SMIM14: variants seen among roughly 807,000 people sequenced by gnomAD.
SMIM14 encodes chromosome 4 open reading frame 34.
SMIM14 carries 5 observed loss-of-function variants against 12.6 expected under a neutral mutation model. The observed-to-expected ratio is 0.40, with a 90% CI of 0.21 to 0.83. The LOEUF (loss-of-function observed/expected upper bound fraction) is 0.83. Among genes scored for constraint, SMIM14 ranks in the 40% least tolerant of loss-of-function variants. The pLI, the probability that SMIM14 is intolerant of heterozygous loss-of-function variation, is 0.37. For missense variants in SMIM14, 86 were observed against 119.1 expected, an observed-to-expected ratio of 0.72 and a Z score of 1.29; for synonymous variants, 30 against 40.1, an observed-to-expected ratio of 0.75 and a Z score of 0.95.
intron 3 of SMIM14, among the ~76,000 whole-genome samples, chr4:39,564,467 T>G (rs1349323026): frequency 6.6e-6 from 1 of 152,176 alleles, no homozygotes; most frequent in African/African-American, 2.4e-5. Context: ...TTTCACATTT[T>G]CAGGTTAGGG....
chr4:39,572,277 C>CTTTTT lies in SMIM14; in HGVS notation c.124+133_124+137dup, dbSNP rs71192876. The CTTTTT allele has an allele frequency of 2.6e-4, 54 of 210,684 alleles. 2 individuals are homozygous for CTTTTT. Among genetic ancestry groups the CTTTTT allele is most frequent in the African/African-American group, 1.1e-3 (21 of 18,680 alleles). 13.1% of individuals were successfully genotyped at this position (210,684 alleles called of 1,614,324 possible). ...TAATTTCTTTTGTGCGTATGTGTCGCTTTTTTTTTTTTTTTTTTTTTTTTT... is the reference window on the plus strand; with the variant it reads ...TAATTTCTTTTGTGCGTATGTGTCGCTTTTTTTTTTTTTTTTTTTTTTTTTTTTTT... On this transcript the variant is annotated intron_variant, in intron 3 of 4. Coordinates refer to ENST00000295958, the MANE Select transcript of SMIM14 (RefSeq NM_174921.3).
intron 2 of SMIM14, among the ~76,000 whole-genome samples, chr4:39,577,565 T>G (rs751803241): frequency 9.2e-5 from 14 of 151,814 alleles, no homozygotes; most frequent in Non-Finnish European, 1.6e-4. Flanking sequence ...GTAGCTGAGA[T>G]TACAGACCTG....
chr4:39,605,296 T>A, intron 1 of SMIM14, 116 bp from the exon 2 acceptor site: 1 of 540,182 alleles, frequency 1.9e-6, no homozygotes, highest in South Asian at 3.0e-5. Flanking sequence ...ATGTATAGTT[T>A]GTATTTATTG....
In SMIM14 at chr4:39,631,459, C is replaced by T. The variant is rs556441357; in HGVS notation, c.-36+7280G>A. Reference sequence around the variant, plus strand: ...GGATCACGAGGTCAGGAGATCGAGACCATCCTGGCTAACATGGTGAAACTC... The same window carrying T: ...GGATCACGAGGTCAGGAGATCGAGATCATCCTGGCTAACATGGTGAAACTC... On this transcript the variant is annotated intron_variant, in intron 1 of 4. Transcript: ENST00000295958. Among the ~76,000 whole-genome samples, 20 of 151,760 alleles carry T rather than the reference C, an allele frequency of 1.3e-4. No individual in the cohort carries two copies. The South Asian group carries it at 3.3e-3, about 25-fold the overall frequency.
chr4:39,585,604 A>T (rs1713747936), intron 2 of SMIM14, among the ~76,000 whole-genome samples: 1 of 151,986 alleles, frequency 6.6e-6, no homozygotes, highest in South Asian at 2.1e-4. Flanking sequence ...GCCTACTTCT[A>T]TTATTAAAAG....
chr4:39,559,144 C>G (rs1403745446), intron 3 of SMIM14, among the ~76,000 whole-genome samples: 2 of 152,180 alleles, frequency 1.3e-5, no homozygotes, highest in Non-Finnish European at 2.9e-5. Context: ...GCTCCTTAAT[C>G]ATTTTAGAGG....
chr4:39,633,604 C>CTGTCTCTACAGA (rs1715986684), intron 1 of SMIM14, among the ~76,000 whole-genome samples: 1 of 150,892 alleles, frequency 6.6e-6, no homozygotes, highest in Non-Finnish European at 1.5e-5. Context: ...AGAAAACAAA[C>CTGTCTCTACAGA]AAAAAAAAAT....
chr4:39,554,054 A>G (rs1366371255), intron 4 of SMIM14, among the ~76,000 whole-genome samples: 3 of 152,194 alleles, frequency 2.0e-5, no homozygotes. Flanking sequence ...GCTTTCTCTT[A>G]TATAAAAAAT....
intron 2 of SMIM14, among the ~76,000 whole-genome samples, chr4:39,591,472 A>G (rs1321090920): frequency 6.6e-6 from 1 of 152,140 alleles, no homozygotes; most frequent in Non-Finnish European, 1.5e-5. Context: ...CAAGTAAGTA[A>G]GTAAAACCTT....
rs1711597866 is a variant in SMIM14 at position 39,550,191 on chromosome 4, T to C, written c.*1935A>G. 6.6e-6 allele frequency: 1 copy of C among 152,202 alleles called. No homozygotes were observed. The highest frequency in any genetic ancestry group is 1.5e-5 in the Non-Finnish European group (1 of 68,026). 9.4% of individuals were successfully genotyped at this position (152,202 alleles called of 1,614,324 possible). On this transcript the variant is annotated 3_prime_UTR_variant, in exon 5 of 5. Transcript: ENST00000295958. ...CCTAAGGGGAAAAAAATCCTTACAT[T>C]GATAGCAAAATATCTTCTAGCCCCC...
At chr4:39,591,064 T>G (rs1229560936) in intron 2 of SMIM14, among the ~76,000 whole-genome samples, 1 of 152,066 alleles carries the variant, frequency 6.6e-6, no homozygotes, top group Non-Finnish European at 1.5e-5. Flanking sequence ...TCAAATCCCT[T>G]ATATAAAATT....
At chr4:39,568,027 C>A (rs1391725148) in intron 3 of SMIM14, among the ~76,000 whole-genome samples, 1 of 152,182 alleles carries the variant, frequency 6.6e-6, no homozygotes, top group African/African-American at 2.4e-5. Flanking sequence ...CCTGTAATCC[C>A]AGCACTTTGG....
intron 1 of SMIM14, among the ~76,000 whole-genome samples, 153 bp from the exon 2 acceptor site, chr4:39,605,333 T>A (rs1232697272): frequency 3.3e-5 from 5 of 152,208 alleles, no homozygotes; most frequent in Non-Finnish European, 5.9e-5. Flanking sequence ...TTATTATTAA[T>A]CTTATATGAA....
chr4:39,607,780 T>C (rs752242290), intron 1 of SMIM14, among the ~76,000 whole-genome samples: 11 of 152,188 alleles, frequency 7.2e-5, no homozygotes, highest in Non-Finnish European at 1.5e-4. Context: ...TTGCAAATCA[T>C]CTGTTTGATA....
Position 39,618,654 on chromosome 4 carries a change from A to AC in SMIM14, c.-35-13475_-35-13474insG, listed in dbSNP as rs1172864394. ...GACAGAGCGAGACTCCATCTCAAAA[A>AC]AAAAAAAAAACAAAAAAAAAAAACC... On this transcript the variant is annotated intron_variant, in intron 1 of 4. Transcript: ENST00000295958. Among the ~76,000 whole-genome samples the AC allele has an allele frequency of 2.0e-3, 302 of 151,072 alleles. 6 individuals carry two copies. In the East Asian group the frequency reaches 0.045, roughly 22 times the overall value.
At chr4:39,634,056 G>A (rs1434874410) in intron 1 of SMIM14, among the ~76,000 whole-genome samples, 1 of 152,182 alleles carries the variant, frequency 6.6e-6, no homozygotes, top group Middle Eastern at 3.2e-3. Flanking sequence ...AGCCTCCCAA[G>A]TAGCTGGGAT....
intron 1 of SMIM14, among the ~76,000 whole-genome samples, chr4:39,610,602 G>A (rs958890897): frequency 2.0e-5 from 3 of 150,796 alleles, no homozygotes; most frequent in Admixed American, 1.3e-4. Context: ...GGCTGAAGTA[G>A]GGGGATCGCT....
At chr4:39,557,604 G>C (rs1712084804) in intron 3 of SMIM14, among the ~76,000 whole-genome samples, 1 of 151,990 alleles carries the variant, frequency 6.6e-6, no homozygotes, top group Non-Finnish European at 1.5e-5. Context: ...CCTGTGTCTG[G>C]CACCTACATC....
At chr4:39,557,989 T>C (rs1169908598) in intron 3 of SMIM14, among the ~76,000 whole-genome samples, 1 of 152,256 alleles carries the variant, frequency 6.6e-6, no homozygotes, top group African/African-American at 2.4e-5. Flanking sequence ...CAATTTTTTC[T>C]ATTTATCAAG....
Sources: gnomAD v4.1 joint callset for allele counts (sites outside exome capture counted in the v4.1 genomes callset) on GRCh38, gnomAD v4.1.1 for gene constraint, MANE v1.5 for transcripts, NCBI Gene and HGNC (gene_info 2026-07-23, HGNC 2026-07-21) for gene names.